SLC12A6: variants seen among roughly 807,000 people sequenced by gnomAD.
SLC12A6 encodes the protein K-Cl cotransporter 3.
In SLC12A6, 66 loss-of-function variants were observed where a neutral mutation model predicts 135.3. That is an observed-to-expected ratio of 0.49 (90% CI 0.40 to 0.60). SLC12A6 has a LOEUF of 0.60. Ranked by LOEUF, SLC12A6 falls within the 20% of genes least tolerant of loss-of-function variation. The pLI is 0.00. For missense variants in SLC12A6, 1,058 were observed against 1,452.3 expected, an observed-to-expected ratio of 0.73 and a Z score of 4.41; for synonymous variants, 513 against 508.8, an observed-to-expected ratio of 1.01 and a Z score of -0.11.
intron 2 of SLC12A6, among the ~76,000 whole-genome samples, chr15:34,329,332 G>A (rs1006281375): frequency 3.3e-5 from 5 of 152,230 alleles, no homozygotes; most frequent in Non-Finnish European, 5.9e-5. Context: ...AAGGGCAAAA[G>A]AAGCAGCAGC....
At chr15:34,280,914 T>G (rs1272885456) in intron 2 of SLC12A6, among the ~76,000 whole-genome samples, 2 of 151,890 alleles carry the variant, frequency 1.3e-5, no homozygotes, top group Non-Finnish European at 2.9e-5. Context: ...TTATGTTAAG[T>G]GAAATAAGCC....
At chr15:34,315,401 A>G (rs900819283) in intron 2 of SLC12A6, among the ~76,000 whole-genome samples, 20 of 152,256 alleles carry the variant, frequency 1.3e-4, no homozygotes, top group African/African-American at 4.8e-4. Flanking sequence ...GAAGGCTCAG[A>G]TGATCATTAG....
Position 34,254,388 on chromosome 15 carries a change from C to A in SLC12A6, c.1078G>T (p.Ala360Ser), listed in dbSNP as rs536954731. 4.3e-6 allele frequency: 7 copies of A among 1,613,760 alleles called. No individual in the cohort carries two copies. The African/African-American group carries it at 8.0e-5, about 18-fold the overall frequency. The change falls in exon 9 of 26, where the codon GCT (alanine) becomes TCT (serine). Residue 360 changes from alanine to serine, a missense_variant. By Grantham distance (99) the Ala-to-Ser change is moderately conservative (BLOSUM62 1). This residue lies in a region of SLC12A6 where 297 missense variants were observed against 318.5 expected (regional missense o/e 0.93). Transcript: ENST00000354181. Reference protein sequence around the residue: ...CVIVSILAIYAGAIKSSFAPP... With the variant: ...CVIVSILAIYSGAIKSSFAPP... ...GCAAAAGAAGACTTGATGGCTCCAGCATAGATGGCCAAGATGGACACAATG... is the reference window on the plus strand; with the variant it reads ...GCAAAAGAAGACTTGATGGCTCCAGAATAGATGGCCAAGATGGACACAATG...
chr15:34,307,599 C>T (rs1595542852), intron 2 of SLC12A6, among the ~76,000 whole-genome samples: 1 of 152,144 alleles, frequency 6.6e-6, no homozygotes, highest in Admixed American at 6.5e-5. Flanking sequence ...GCATGAGTCA[C>T]CATGTCCACC....
chr15:34,295,738 C>A (rs1895834745), intron 2 of SLC12A6, among the ~76,000 whole-genome samples: 1 of 152,184 alleles, frequency 6.6e-6, no homozygotes, highest in Non-Finnish European at 1.5e-5. Flanking sequence ...GTGGCTCACA[C>A]CTGTAATCCC....
At chr15:34,333,059 C>T (rs1889961431) in intron 2 of SLC12A6, among the ~76,000 whole-genome samples, 1 of 151,982 alleles carries the variant, frequency 6.6e-6, no homozygotes, top group South Asian at 2.1e-4. Context: ...TTTAAGTCTC[C>T]TCACTTATTA....
intron 2 of SLC12A6, among the ~76,000 whole-genome samples, chr15:34,301,160 G>C (rs530414202): frequency 2.6e-5 from 4 of 152,094 alleles, no homozygotes; most frequent in Admixed American, 1.3e-4. Flanking sequence ...GTAGAGACAG[G>C]GTTTCACCAT....
chr15:34,310,206 TG>T (rs1207462073), intron 2 of SLC12A6, among the ~76,000 whole-genome samples: 34 of 146,980 alleles, frequency 2.3e-4, no homozygotes, highest in Non-Finnish European at 7.5e-5. Flanking sequence ...TGTGTGTGTG[TG>T]TCCCTGTGTC....
intron 2 of SLC12A6, among the ~76,000 whole-genome samples, chr15:34,319,130 C>CCTTT (rs1888868405): frequency 7.4e-6 from 1 of 135,394 alleles, no homozygotes; most frequent in African/African-American, 2.8e-5. Context: ...GAACAGTTAA[C>CCTTT]TTTTTTTTTT....
chr15:34,337,209 G>A (rs1833491809), intron 1 of SLC12A6, 123 bp downstream of exon 1: 1 of 196,386 alleles, frequency 5.1e-6, no homozygotes, highest in Non-Finnish European at 1.1e-5. Flanking sequence ...TGTGTATCAG[G>A]TGAATACCCC....
intron 2 of SLC12A6, among the ~76,000 whole-genome samples, chr15:34,297,743 G>T (rs897612295): frequency 4.6e-5 from 7 of 152,216 alleles, no homozygotes; most frequent in African/African-American, 1.4e-4. Flanking sequence ...TGTCTGGAAA[G>T]ATTTGCTTGG....
rs141987572 is a variant in SLC12A6 at position 34,249,531 on chromosome 15, C to A, written c.1649+767G>T. 4.3e-3 allele frequency among the ~76,000 whole-genome samples: 648 copies of A among 152,244 alleles called. 5 individuals are homozygous for A. The highest frequency in any genetic ancestry group is 0.012 in the South Asian group (56 of 4,826). On this transcript the variant is annotated intron_variant, in intron 13 of 25. Transcript: ENST00000354181. The stretch of plus-strand genomic sequence containing the variant: ...GTAGGGAGCTGTCACTGCACCACTG[C>A]ACTGTAGTCTGGGCAACAGAGCAAG...
At chr15:34,262,254 T>C (rs1893187361) in intron 3 of SLC12A6, among the ~76,000 whole-genome samples, 1 of 152,152 alleles carries the variant, frequency 6.6e-6, no homozygotes, top group African/African-American at 2.4e-5. Flanking sequence ...TGTGCCTTTG[T>C]TTTAGCCTTT....
chr15:34,256,381 A>G, intron 6 of SLC12A6, 98 bp from the exon 7 acceptor site: 2 of 809,144 alleles, frequency 2.5e-6, no homozygotes, highest in South Asian at 2.8e-5. Flanking sequence ...GCAAACATTT[A>G]ACTCTACCTA....
intron 3 of SLC12A6, among the ~76,000 whole-genome samples, chr15:34,269,236 A>C (rs1392828923): frequency 6.6e-6 from 1 of 152,212 alleles, no homozygotes; most frequent in African/African-American, 2.4e-5. Flanking sequence ...GTTTCACTGC[A>C]TAATTCAAAT....
intron 18 of SLC12A6, 167 bp downstream of exon 18, chr15:34,241,066 G>A (rs1268726092): frequency 1.5e-6 from 1 of 660,972 alleles, no homozygotes; most frequent in Non-Finnish European, 2.7e-6. Context: ...GATCATAAAC[G>A]ACATGAAGAA....
chr15:34,283,080 C>T (rs750232275), intron 2 of SLC12A6, among the ~76,000 whole-genome samples: 5 of 152,152 alleles, frequency 3.3e-5, no homozygotes, highest in Admixed American at 6.6e-5. Flanking sequence ...CTGTGGCTCA[C>T]GCCTGTAATC....
intron 3 of SLC12A6, among the ~76,000 whole-genome samples, chr15:34,269,320 G>GA (rs1046166280): frequency 9.3e-5 from 14 of 151,000 alleles, no homozygotes; most frequent in African/African-American, 3.4e-4. Context: ...TTTGTAAACA[G>GA]AAAAAAGGTA....
At position 34,284,071 on chromosome 15, in the gene SLC12A6, G is replaced by C. The variant is rs184535477; in HGVS notation, c.272-8682C>G. Among the ~76,000 whole-genome samples the C allele has an allele frequency of 5.7e-4, 87 of 151,740 alleles. 1 individual carries two copies. The highest frequency in any genetic ancestry group is 3.0e-3 in the Admixed American group (45 of 15,214). ...CCAGCATAATTTTTTAAAAATGCAGGCTGCTGGTTTGAGAATGGATTGTAG... is the reference window on the plus strand; with the variant it reads ...CCAGCATAATTTTTTAAAAATGCAGCCTGCTGGTTTGAGAATGGATTGTAG... On this transcript the variant is annotated intron_variant, in intron 2 of 25. Coordinates refer to ENST00000354181, the MANE Select transcript of SLC12A6 (RefSeq NM_001365088.1).
Sources: allele counts gnomAD v4.1 joint callset (sites outside exome capture counted in the v4.1 genomes callset), GRCh38; gene constraint gnomAD v4.1.1; regional missense constraint gnomAD v4.1.1; transcripts MANE v1.5; gene names NCBI Gene and HGNC (gene_info 2026-07-23, HGNC 2026-07-21).